The following BANF2 variants were observed in gnomAD, a reference collection of about 807,000 sequenced individuals.
BANF2 encodes the protein BANF family member 2, also known as barrier-to-autointegration factor-like protein.
A neutral mutation model predicts 8.0 loss-of-function variants in BANF2; 4 were observed. The ratio of observed to expected loss-of-function variants is 0.50; its 90% CI spans 0.25 to 1.14. The LOEUF (loss-of-function observed/expected upper bound fraction) is 1.14. Ranked by LOEUF, BANF2 falls within the 50% of genes most tolerant of loss-of-function variation. BANF2 has a pLI of 0.16. For synonymous variants in BANF2, 50 were observed against 40.6 expected, an observed-to-expected ratio of 1.23 and a Z score of -0.88; for missense variants, 96 against 107.5, an observed-to-expected ratio of 0.89 and a Z score of 0.47.
upstream of BANF2, among the ~76,000 whole-genome samples, chr20:17,695,420 T>C (rs2037338608): frequency 8.5e-6 from 1 of 118,088 alleles, no homozygotes; most frequent in Non-Finnish European, 1.6e-5. Flanking sequence ...CACTCCAGCC[T>C]GGGGTACAGA....
chr20:17,713,843 A>AAAAT lies in BANF2; in HGVS notation c.-166-8852_-166-8849dup, dbSNP rs553290411. Among the ~76,000 whole-genome samples, 447 of 152,062 alleles carry AAAAT rather than the reference A, an allele frequency of 2.9e-3. 2 individuals carry two copies. The highest frequency in any genetic ancestry group is 9.6e-3 in the African/African-American group (399 of 41,448). ...GACTGAGACTCCATCTCAAAAATAAAAAATAAATAAATAAATAAATAAATG... is the reference window on the plus strand; with the variant it reads ...GACTGAGACTCCATCTCAAAAATAAAAAATAAATAAATAAATAAATAAATAAATG... On this transcript the variant is annotated intron_variant, in intron 1 of 3. Coordinates refer to ENST00000246090, the MANE Select transcript of BANF2 (RefSeq NM_178477.5).
At chr20:17,707,178 T>C (rs527275063) in intron 1 of BANF2, among the ~76,000 whole-genome samples, 2 of 151,646 alleles carry the variant, frequency 1.3e-5, no homozygotes, top group East Asian at 3.9e-4. Context: ...GGTCAGGAGA[T>C]TGAGACCATC....
intron 3 of BANF2, among the ~76,000 whole-genome samples, chr20:17,732,114 A>G (rs2037906771): frequency 4.6e-5 from 7 of 152,212 alleles, no homozygotes; most frequent in Admixed American, 4.6e-4. Flanking sequence ...AAAGAAATTT[A>G]GTAAGAATTT....
At chr20:17,719,442 G>A (rs749413359) in intron 1 of BANF2, among the ~76,000 whole-genome samples, 17 of 152,000 alleles carry the variant, frequency 1.1e-4, no homozygotes, top group Non-Finnish European at 1.8e-4. Context: ...CAGGTGCATC[G>A]TCTTGAACAG....
intron 1 of BANF2, among the ~76,000 whole-genome samples, chr20:17,716,551 C>T (rs2037655392): frequency 6.7e-6 from 1 of 149,182 alleles, no homozygotes; most frequent in Non-Finnish European, 1.5e-5. Flanking sequence ...CCCGTCTTTC[C>T]TTTCTATTTT....
intron 3 of BANF2, among the ~76,000 whole-genome samples, chr20:17,731,849 G>A (rs1313262058): frequency 2.0e-5 from 3 of 150,000 alleles, no homozygotes; most frequent in Non-Finnish European, 4.4e-5. Flanking sequence ...GGCAGATCAC[G>A]AGGTCAGGGG....
At chr20:17,732,323 T>C (rs1350226312) in intron 3 of BANF2, among the ~76,000 whole-genome samples, 3 of 152,190 alleles carry the variant, frequency 2.0e-5, no homozygotes, top group Non-Finnish European at 4.4e-5. Context: ...AACCTCACTG[T>C]TTGCACTTGG....
chr20:17,725,148 TA>T lies in BANF2; in HGVS notation c.125del (p.Lys42ArgfsTer11). The T allele has an allele frequency of 6.2e-7, 1 of 1,611,658 alleles. No individual in the cohort carries two copies. The highest frequency in any genetic ancestry group is 8.5e-7 in the Non-Finnish European group (1 of 1,177,790). On this transcript the variant is annotated frameshift_variant and splice_region_variant, in exon 3 of 4. Coordinates refer to ENST00000246090, the MANE Select transcript of BANF2 (RefSeq NM_178477.5). LOFTEE classifies it high-confidence loss of function. The stretch of plus-strand genomic sequence containing the variant: ...TCAATTTGGTCACCAAAGGTATCAA[TA>T]AGGTAATTCATATTTTCTTACTTCT... ...AINLVTKGIN[K>X]AYILLGQFLL...
chr20:17,710,303 G>C (rs2037550389), intron 1 of BANF2, among the ~76,000 whole-genome samples: 1 of 152,186 alleles, frequency 6.6e-6, no homozygotes, highest in Non-Finnish European at 1.5e-5. Context: ...CCTGGAGAGG[G>C]AAGAGCTGGT....
At chr20:17,703,099 C>T (rs1046870917) in intron 1 of BANF2, among the ~76,000 whole-genome samples, 3 of 152,180 alleles carry the variant, frequency 2.0e-5, no homozygotes, top group Non-Finnish European at 4.4e-5. Flanking sequence ...ATTTGCTGTT[C>T]TCTCTGCCGG....
chr20:17,730,674 A>G (rs1178939547), intron 3 of BANF2, among the ~76,000 whole-genome samples: 1 of 152,198 alleles, frequency 6.6e-6, no homozygotes, highest in Non-Finnish European at 1.5e-5. Context: ...GACTGAGTTC[A>G]GGACCAGAAG....
At chr20:17,722,274 C>A (rs529415029) in intron 1 of BANF2, among the ~76,000 whole-genome samples, 1 of 152,352 alleles carries the variant, frequency 6.6e-6, no homozygotes, top group Admixed American at 6.5e-5. Context: ...AAGCATTACC[C>A]GTCTTTGATG....
Position 17,709,764 on chromosome 20 carries a change from A to C in BANF2, c.-167+9709A>C, listed in dbSNP as rs561935439. Among the ~76,000 whole-genome samples, 21 of 152,338 alleles carry C rather than the reference A, an allele frequency of 1.4e-4. 1 individual carries two copies. Among genetic ancestry groups the C allele is most frequent in the African/African-American group, 4.6e-4 (19 of 41,586 alleles). ...GGTCAGTTAATTTATCTTATCTGTG[A>C]AATGGGATAATCATAGAAGCTATCT... On this transcript the variant is annotated intron_variant, in intron 1 of 3. Coordinates refer to ENST00000246090, the MANE Select transcript of BANF2 (RefSeq NM_178477.5).
intron 2 of BANF2, among the ~76,000 whole-genome samples, chr20:17,724,204 A>C (rs147480100): frequency 6.6e-6 from 1 of 152,292 alleles, no homozygotes; most frequent in Non-Finnish European, 1.5e-5. Context: ...TTAAAAGTGG[A>C]GAGGGATGAA....
rs112209412 is a variant in BANF2 at position 17,733,767 on chromosome 20, T to C, written c.127-1898T>C. 5.7e-3 allele frequency among the ~76,000 whole-genome samples: 870 copies of C among 152,324 alleles called. 10 individuals are homozygous for C. The highest frequency in any genetic ancestry group is 0.02 in the African/African-American group (827 of 41,568). On this transcript the variant is annotated intron_variant, in intron 3 of 3. Transcript: ENST00000246090. ...GAATCACCACAAAATCCTGGCTTTT[T>C]TCTCTTATCAACAACTGGACCATGA... is the stretch of plus-strand genomic sequence containing the variant.
Position 17,704,897 on chromosome 20 carries a change from G to A in BANF2, c.-167+4842G>A, listed in dbSNP as rs572940483. On this transcript the variant is annotated intron_variant, in intron 1 of 3. Coordinates refer to ENST00000246090, the MANE Select transcript of BANF2 (RefSeq NM_178477.5). ...ATCCCCCACAAGTGGAAGGAGAGAC[G>A]AACACTCACTTAGCAACCCCAGCAA... Among the ~76,000 whole-genome samples, 5 of 152,250 alleles carry A rather than the reference G, an allele frequency of 3.3e-5. No homozygotes were observed. The South Asian group carries it at 6.2e-4, about 19-fold the overall frequency.
At chr20:17,722,561 G>C (rs550227954) in intron 1 of BANF2, among the ~76,000 whole-genome samples, 155 bp from the exon 2 acceptor site, 1 of 152,214 alleles carries the variant, frequency 6.6e-6, no homozygotes, top group Non-Finnish European at 1.5e-5. Flanking sequence ...ACACCATCTT[G>C]TACTTACGAA....
chr20:17,725,277 G>C, intron 3 of BANF2, 126 bp downstream of exon 3: 1 of 1,234,980 alleles, frequency 8.1e-7, no homozygotes, highest in Non-Finnish European at 1.1e-6. Flanking sequence ...GCCGCTTGGC[G>C]GGGTGCCACA....
intron 1 of BANF2, among the ~76,000 whole-genome samples, chr20:17,713,339 C>G (rs2037604178): frequency 1.3e-5 from 2 of 151,962 alleles, no homozygotes; most frequent in South Asian, 2.1e-4. Flanking sequence ...GGCCAGTCAC[C>G]AAAAGACAAC....
Sources: gnomAD v4.1 joint callset for allele counts (sites outside exome capture counted in the v4.1 genomes callset) on GRCh38, gnomAD v4.1.1 for gene constraint, MANE v1.5 for transcripts, NCBI Gene and HGNC (gene_info 2026-07-23, HGNC 2026-07-21) for gene names.